The following PLSCR4 variants were observed in gnomAD, a reference collection of about 807,000 sequenced individuals.
PLSCR4 encodes phospholipid scramblase 4.
A neutral mutation model predicts 36.3 loss-of-function variants in PLSCR4; 25 were observed. The observed-to-expected ratio is 0.69, with a 90% CI of 0.50 to 0.96. The LOEUF is 0.96. Ranked by LOEUF, PLSCR4 falls within the 40% of genes least tolerant of loss-of-function variation. PLSCR4 has a pLI of 0.00. For missense variants in PLSCR4, 408 were observed against 414.7 expected (o/e 0.98, Z 0.14); for synonymous variants, 122 against 132.9 (o/e 0.92, Z 0.56).
intron 3 of PLSCR4, among the ~76,000 whole-genome samples, chr3:146,212,469 T>A (rs112290981): frequency 0.028 from 4,217 of 150,062 alleles, 207 homozygotes; most frequent in African/African-American, 0.097. Context: ...TTTTTTTTTT[T>A]AGACAGGGTC....
At chr3:146,233,402 C>G (rs1055059288) in intron 1 of PLSCR4, among the ~76,000 whole-genome samples, 1 of 152,088 alleles carries the variant, frequency 6.6e-6, no homozygotes, top group Non-Finnish European at 1.5e-5. Flanking sequence ...ACTGTTGTTA[C>G]ATTTCAATTT....
At chr3:146,245,137 T>G (rs910860872) in intron 1 of PLSCR4, among the ~76,000 whole-genome samples, 2 of 152,074 alleles carry the variant, frequency 1.3e-5, no homozygotes, top group African/African-American at 4.8e-5. Flanking sequence ...ACCGAATTGT[T>G]GCAGTCTCAT....
At chr3:146,231,647 T>C (rs74315896) in intron 1 of PLSCR4, among the ~76,000 whole-genome samples, 2,561 of 152,268 alleles carry the variant, frequency 0.017, 76 homozygotes, top group African/African-American at 0.058. Context: ...CTGTTGACCA[T>C]GTTTATGTCT....
intron 4 of PLSCR4, among the ~76,000 whole-genome samples, chr3:146,204,014 A>G (rs1177078988): frequency 6.6e-6 from 1 of 152,026 alleles, no homozygotes; most frequent in Non-Finnish European, 1.5e-5. Context: ...ATTTACAGTG[A>G]GAGATGTGCA....
rs115288224 is a variant in PLSCR4, at chr3:146,220,209, A to G, written c.118+606T>C. Among the ~76,000 whole-genome samples the G allele has an allele frequency of 5.8e-3, 878 of 152,288 alleles. 9 individuals are homozygous for G. The highest frequency in any genetic ancestry group is 0.02 in the African/African-American group (838 of 41,544). ...GCCAAATTGTTTTCTAACAATCATA[A>G]TATCTCAAATTCACACTAGCACTGT... On this transcript the variant is annotated intron_variant, in intron 3 of 8. Transcript: ENST00000354952.
At chr3:146,239,440 T>G (rs764968420) in intron 1 of PLSCR4, among the ~76,000 whole-genome samples, 6 of 150,322 alleles carry the variant, frequency 4.0e-5, no homozygotes, top group Non-Finnish European at 5.9e-5. Flanking sequence ...TATGGGTAAT[T>G]GATTTTTGAC....
chr3:146,218,524 T>C (rs2034994382), intron 3 of PLSCR4, among the ~76,000 whole-genome samples: 1 of 151,668 alleles, frequency 6.6e-6, no homozygotes, highest in South Asian at 2.1e-4. Context: ...ATTAAATACA[T>C]ATTTATGTAA....
At chr3:146,230,057 G>A (rs2108317904) in intron 1 of PLSCR4, among the ~76,000 whole-genome samples, 1 of 152,268 alleles carries the variant, frequency 6.6e-6, no homozygotes, top group African/African-American at 2.4e-5. Context: ...GGTCAGAAGT[G>A]TGAGTGGCCT....
At chr3:146,250,107 C>G (rs1201647205) in intron 1 of PLSCR4, among the ~76,000 whole-genome samples, 4 of 152,150 alleles carry the variant, frequency 2.6e-5, no homozygotes, top group African/African-American at 9.7e-5. Flanking sequence ...ATAGAATTCA[C>G]AACCATGTCA....
At chr3:146,234,918 AAACT>A (rs1189746838) in intron 1 of PLSCR4, among the ~76,000 whole-genome samples, 4 of 152,152 alleles carry the variant, frequency 2.6e-5, no homozygotes, top group Non-Finnish European at 4.4e-5. Flanking sequence ...TTTGAATATT[AAACT>A]AACTGACATT....
Position 146,192,810 on chromosome 3 carries a change from T to C in PLSCR4, c.*1601A>G, listed in dbSNP as rs911159303. 2.0e-5 allele frequency: 3 copies of C among 150,076 alleles called. No individual in the cohort carries two copies. The highest frequency in any genetic ancestry group is 4.4e-5 in the Non-Finnish European group (3 of 67,964). The allele number at this position is 150,076 out of a possible 1,614,324, so 9.3% of individuals were successfully genotyped here. A position where few individuals can be genotyped will look rare whatever the true frequency, so the allele number is the denominator to read the frequency against. On this transcript the variant is annotated 3_prime_UTR_variant, in exon 9 of 9. Transcript: ENST00000354952. ...TTAATATTTTAGAAAGCAGCAACTT[T>C]TACTTTTTTTAAAAAAAAAAGCTAG...
At chr3:146,222,301 A>C in intron 1 of PLSCR4, 1 of 294,144 alleles carries the variant, frequency 3.4e-6, no homozygotes, top group Non-Finnish European at 6.4e-6. Flanking sequence ...AAGCAGACAG[A>C]CACTCTGCCA....
At chr3:146,203,869 A>G (rs1438126711) in intron 4 of PLSCR4, among the ~76,000 whole-genome samples, 1 of 152,054 alleles carries the variant, frequency 6.6e-6, no homozygotes, top group Non-Finnish European at 1.5e-5. Context: ...TTGGAGTAAT[A>G]TCACTTTCAA....
chr3:146,222,249 T>G (rs2035192608), intron 1 of PLSCR4, 157 bp from the exon 2 acceptor site: 7 of 370,860 alleles, frequency 1.9e-5, no homozygotes, highest in Non-Finnish European at 3.5e-5. Context: ...GAGCACCTAT[T>G]ATGTACGAGG....
chr3:146,220,890 C>T lies in PLSCR4; in HGVS notation c.43G>A (p.Glu15Lys), dbSNP rs534724855. The T allele has an allele frequency of 1.7e-5, 27 of 1,613,714 alleles. 1 individual carries two copies. Among genetic ancestry groups the T allele is most frequent in the South Asian group, 1.5e-4 (14 of 91,030 alleles). ...VPTAPEQPAG[E>K]MENQTKPPDP... ...GGTGGTTTTGTTTGATTTTCCATTT[C>T]ACCTGCAGGCTGTTCAGGGGCTGTG... Residue 15 changes from glutamate (E) to lysine (K), a missense_variant, in exon 3 of 9, where the codon GAA becomes AAA. Coordinates refer to ENST00000354952, the MANE Select transcript of PLSCR4 (RefSeq NM_020353.3).
intron 1 of PLSCR4, among the ~76,000 whole-genome samples, chr3:146,228,518 C>T (rs1344326938): frequency 6.6e-6 from 1 of 151,834 alleles, no homozygotes; most frequent in Non-Finnish European, 1.5e-5. Context: ...TTCCTATTTG[C>T]AGCTAAATGA....
At chr3:146,235,353 T>G (rs982178944) in intron 1 of PLSCR4, among the ~76,000 whole-genome samples, 1 of 152,058 alleles carries the variant, frequency 6.6e-6, no homozygotes, top group African/African-American at 2.4e-5. Flanking sequence ...CTCTCCCATC[T>G]CTCTTTTCCA....
At chr3:146,230,297 G>T (rs916433488) in intron 1 of PLSCR4, among the ~76,000 whole-genome samples, 1 of 152,050 alleles carries the variant, frequency 6.6e-6, no homozygotes, top group African/African-American at 2.4e-5. Context: ...AGAAAATCAA[G>T]AAATAAAAGT....
At chr3:146,220,403 T>C (rs546104679) in intron 3 of PLSCR4, among the ~76,000 whole-genome samples, 1 of 152,204 alleles carries the variant, frequency 6.6e-6, no homozygotes, top group Non-Finnish European at 1.5e-5. Flanking sequence ...CATGACCCTG[T>C]ACTTACGGAC....
Sources: allele counts gnomAD v4.1 joint callset (sites outside exome capture counted in the v4.1 genomes callset), GRCh38; gene constraint gnomAD v4.1.1; transcripts MANE v1.5; gene names NCBI Gene and HGNC (gene_info 2026-07-23, HGNC 2026-07-21).